LRRC37A2: variants seen among roughly 807,000 people sequenced by gnomAD.
The protein encoded by LRRC37A2 is leucine-rich repeat-containing protein 37A2.
In LRRC37A2, 9 loss-of-function variants were observed where a neutral mutation model predicts 68.8. The ratio of observed to expected loss-of-function variants is 0.13; its 90% CI spans 0.08 to 0.23. LRRC37A2 has a LOEUF of 0.23. LRRC37A2 is among the 10% of genes least tolerant of loss of function. The pLI is 1.00. For missense variants in LRRC37A2, 168 were observed against 950.4 expected (o/e 0.18, Z 10.82); for synonymous variants, 63 against 367.6 (o/e 0.17, Z 9.48).
chr17:46,865,487 G>C, the LRRC37A2 span, among the ~76,000 whole-genome samples: 1 of 152,176 alleles, frequency 6.6e-6, no homozygotes, highest in Non-Finnish European at 1.5e-5. Context: ...GTGGGTTCAT[G>C]GGGATGGAGG....
the LRRC37A2 span, chr17:46,979,040 TC>T: frequency 7.3e-7 from 1 of 1,374,682 alleles, no homozygotes. Flanking sequence ...CGGCGCGCAG[TC>T]CCGGGTGCAC....
chr17:46,969,547 G>T, the LRRC37A2 span, among the ~76,000 whole-genome samples: 1 of 152,216 alleles, frequency 6.6e-6, no homozygotes, highest in Non-Finnish European at 1.5e-5. Flanking sequence ...ACCGTGGAAC[G>T]ATCAGGCTTC....
At chr17:47,009,887 CT>C in the LRRC37A2 span, among the ~76,000 whole-genome samples, 2 of 152,210 alleles carry the variant, frequency 1.3e-5, no homozygotes, top group Non-Finnish European at 2.9e-5. Context: ...TCCCTTGCAC[CT>C]TTTTCGCTAC....
the LRRC37A2 span, among the ~76,000 whole-genome samples, chr17:46,823,190 A>ATATATATTTATATATAATATAT: frequency 1.6e-5 from 2 of 126,796 alleles, no homozygotes; most frequent in Admixed American, 1.8e-4. Flanking sequence ...ATAATATATT[A>ATATATATTTATATATAATATAT]TATATATTTA....
chr17:47,001,170 G>C, the LRRC37A2 span, among the ~76,000 whole-genome samples: 1 of 152,176 alleles, frequency 6.6e-6, no homozygotes, highest in South Asian at 2.1e-4. Flanking sequence ...AGGAGCCAGA[G>C]ACCAAGGCCC....
chr17:46,933,430 C>T, the LRRC37A2 span: 1 of 152,198 alleles, frequency 6.6e-6, no homozygotes, highest in South Asian at 2.1e-4. Flanking sequence ...CTGAGTCTTT[C>T]AAACGCCAGC....
At chr17:46,768,283 A>G in the LRRC37A2 span, 13 of 1,612,294 alleles carry the variant, frequency 8.1e-6, 1 homozygote, top group South Asian at 1.4e-4. This position sits in a 1 kb window ranked among gnomAD's most constrained non-coding sequence, Gnocchi z 5.0. Context: ...CCAGGCTCCC[A>G]GCCTCCCCCC....
the LRRC37A2 span, among the ~76,000 whole-genome samples, chr17:46,845,161 C>G: frequency 0.22 from 33,443 of 152,140 alleles, 4,454 homozygotes; most frequent in East Asian, 0.49. Context: ...CTTCCTCCTT[C>G]TTTTGAGCAG....
At chr17:47,000,049 A>T in the LRRC37A2 span, among the ~76,000 whole-genome samples, 4,075 of 32,158 alleles carry the variant, frequency 0.13, 634 homozygotes, top group African/African-American at 0.19. Flanking sequence ...AAAATAAAAT[A>T]AAATAAAATA....
At chr17:46,935,253 T>C in the LRRC37A2 span, 1 of 1,607,358 alleles carries the variant, frequency 6.2e-7, no homozygotes, top group Non-Finnish European at 8.5e-7. Context: ...ATATTTTGAT[T>C]ACGTGTCCTC....
chr17:46,874,943 C>G, the LRRC37A2 span: 1 of 1,153,964 alleles, frequency 8.7e-7, no homozygotes, highest in Non-Finnish European at 1.3e-6. Context: ...GGAGACCCAC[C>G]CGGAGCTGTG....
intron 8 of LRRC37A2, among the ~76,000 whole-genome samples, chr17:46,545,088 G>T (rs1277137706): frequency 7.4e-6 from 1 of 134,390 alleles, no homozygotes; most frequent in Non-Finnish European, 1.6e-5. Context: ...CAGATGGCCT[G>T]TAATACTAAG....
chr17:47,015,512 G>C, the LRRC37A2 span, among the ~76,000 whole-genome samples: 2 of 151,438 alleles, frequency 1.3e-5, no homozygotes, highest in African/African-American at 4.8e-5. Context: ...ATGCTATGAT[G>C]TTAGCACAAT....
chr17:47,047,796 G>A, the LRRC37A2 span, among the ~76,000 whole-genome samples: 1 of 151,590 alleles, frequency 6.6e-6, no homozygotes, highest in Admixed American at 6.6e-5. Flanking sequence ...TAGAATGGAG[G>A]GCTTTTCCAT....
chr17:46,958,243 A>C, the LRRC37A2 span, among the ~76,000 whole-genome samples: 9 of 152,320 alleles, frequency 5.9e-5, no homozygotes, highest in East Asian at 1.7e-3. Context: ...GGAGCCGTCA[A>C]CCTTCACATT....
the LRRC37A2 span, among the ~76,000 whole-genome samples, chr17:46,843,842 C>T: frequency 6.6e-6 from 1 of 152,236 alleles, no homozygotes; most frequent in East Asian, 1.9e-4. Flanking sequence ...TCCCAACAAA[C>T]TGTGTGCTCC....
the LRRC37A2 span, among the ~76,000 whole-genome samples, chr17:46,728,324 A>G: frequency 1.3e-5 from 2 of 152,206 alleles, no homozygotes; most frequent in African/African-American, 2.4e-5. Context: ...ATGTTTTAAT[A>G]TCAGTGTACT....
the LRRC37A2 span, among the ~76,000 whole-genome samples, chr17:46,750,418 C>T: frequency 6.6e-6 from 1 of 152,084 alleles, no homozygotes; most frequent in African/African-American, 2.4e-5. Context: ...TGGAATATTG[C>T]ATTATATTTA....
the LRRC37A2 span, among the ~76,000 whole-genome samples, chr17:46,804,505 G>A: frequency 1.3e-5 from 2 of 152,204 alleles, no homozygotes; most frequent in African/African-American, 2.4e-5. Context: ...GACACCAGAC[G>A]GAAGCCTCTA....
Sources: gnomAD v4.1 joint callset for allele counts (sites outside exome capture counted in the v4.1 genomes callset) on GRCh38, gnomAD v4.1.1 for gene constraint, Gnocchi (gnomAD v3.1) non-coding constraint, MANE v1.5 for transcripts, NCBI Gene and HGNC (gene_info 2026-07-23, HGNC 2026-07-21) for gene names.